TASP1: variants seen among roughly 807,000 people sequenced by gnomAD.
The protein encoded by TASP1 is threonine aspartase 1.
A neutral mutation model predicts 56.6 loss-of-function variants in TASP1; 16 were observed. The ratio of observed to expected loss-of-function variants is 0.28; its 90% CI spans 0.19 to 0.43. The LOEUF (loss-of-function observed/expected upper bound fraction) is 0.43, where lower values mean the gene tolerates loss of function less well. TASP1 is among the 20% of genes least tolerant of loss of function. The pLI, the probability that TASP1 is intolerant of heterozygous loss-of-function variation, is 1.00. For synonymous variants in TASP1, 179 were observed against 184.2 expected (o/e 0.97, Z 0.23); for missense variants, 393 against 511.6 (o/e 0.77, Z 2.24).
intron 8 of TASP1, among the ~76,000 whole-genome samples, chr20:13,538,776 C>T (rs2045509849): frequency 6.6e-6 from 1 of 152,146 alleles, no homozygotes; most frequent in East Asian, 1.9e-4. Context: ...GGCTGGGTGG[C>T]TCACGCCTGT....
intron 12 of TASP1, among the ~76,000 whole-genome samples, chr20:13,427,119 C>T (rs560412343): frequency 3.3e-5 from 5 of 152,312 alleles, no homozygotes; most frequent in African/African-American, 4.8e-5. Context: ...AGTGATATTG[C>T]TGGTGCCCTG....
intron 4 of TASP1, among the ~76,000 whole-genome samples, chr20:13,602,677 T>C (rs1383760796): frequency 1.3e-5 from 2 of 152,094 alleles, no homozygotes; most frequent in African/African-American, 4.8e-5. Flanking sequence ...ATAAGGAGCA[T>C]GCAACCTAGA....
At chr20:13,507,968 C>T (rs2044190768) in intron 10 of TASP1, among the ~76,000 whole-genome samples, 1 of 152,098 alleles carries the variant, frequency 6.6e-6, no homozygotes, top group Admixed American at 6.6e-5. Flanking sequence ...CAATAAAACA[C>T]ACAATGGAGA....
At chr20:13,246,716 TC>T in the TASP1 span, among the ~76,000 whole-genome samples, 1 of 152,204 alleles carries the variant, frequency 6.6e-6, no homozygotes, top group Non-Finnish European at 1.5e-5. Flanking sequence ...CCTTGTCCAA[TC>T]CCCCAGTGCC....
At chr20:13,378,646 G>A in the TASP1 span, among the ~76,000 whole-genome samples, 9 of 152,060 alleles carry the variant, frequency 5.9e-5, no homozygotes, top group Middle Eastern at 3.2e-3. Flanking sequence ...TTTCTGTCTC[G>A]TTGATCTGTC....
At chr20:13,185,578 T>A in the TASP1 span, among the ~76,000 whole-genome samples, 2 of 152,186 alleles carry the variant, frequency 1.3e-5, no homozygotes, top group East Asian at 3.9e-4. Context: ...ATTGTTTATT[T>A]TCTGTATCCT....
At chr20:13,242,314 C>T in the TASP1 span, among the ~76,000 whole-genome samples, 1 of 152,140 alleles carries the variant, frequency 6.6e-6, no homozygotes, top group Non-Finnish European at 1.5e-5. Flanking sequence ...AGAAACTCCA[C>T]AGAGCAGTTG....
chr20:13,597,615 C>G (rs1045484854), intron 4 of TASP1, among the ~76,000 whole-genome samples: 3 of 152,176 alleles, frequency 2.0e-5, no homozygotes, highest in African/African-American at 7.2e-5. Context: ...CCTTTGAAAA[C>G]TGGCACAAGA....
At chr20:13,452,064 A>C (rs1364709488) in intron 11 of TASP1, among the ~76,000 whole-genome samples, 1 of 152,084 alleles carries the variant, frequency 6.6e-6, no homozygotes, top group East Asian at 1.9e-4. Flanking sequence ...ACAGTCTTTT[A>C]TGACCACAGT....
chr20:13,517,699 G>T (rs1171204576), intron 10 of TASP1, among the ~76,000 whole-genome samples: 1 of 152,054 alleles, frequency 6.6e-6, no homozygotes, highest in Non-Finnish European at 1.5e-5. Context: ...AAATCTCTAA[G>T]ATATATCAAT....
chr20:13,295,460 C>T, the TASP1 span, among the ~76,000 whole-genome samples: 6 of 152,312 alleles, frequency 3.9e-5, no homozygotes, highest in Middle Eastern at 3.4e-3. Context: ...CCCAGACATC[C>T]CCAGCAGATT....
the TASP1 span, among the ~76,000 whole-genome samples, chr20:13,357,347 TA>T: frequency 2.6e-5 from 4 of 152,194 alleles, no homozygotes; most frequent in Non-Finnish European, 5.9e-5. Context: ...ACGAATTCAT[TA>T]TCATGCTCTT....
chr20:13,215,942 C>T, the TASP1 span, among the ~76,000 whole-genome samples: 1 of 152,158 alleles, frequency 6.6e-6, no homozygotes, highest in African/African-American at 2.4e-5. Flanking sequence ...GTGACCCCTT[C>T]GTAGTTCAAA....
chr20:13,139,825 G>A, the TASP1 span, among the ~76,000 whole-genome samples: 10 of 152,086 alleles, frequency 6.6e-5, no homozygotes, highest in South Asian at 6.2e-4. Context: ...CTCTTGACCC[G>A]GAATAGAATA....
the TASP1 span, among the ~76,000 whole-genome samples, chr20:13,215,836 G>A: frequency 6.6e-6 from 1 of 152,192 alleles, no homozygotes; most frequent in Admixed American, 6.5e-5. Flanking sequence ...GAATGTTGCT[G>A]GCGATCCAGG....
the TASP1 span, among the ~76,000 whole-genome samples, chr20:13,345,563 C>T: frequency 2.6e-5 from 4 of 152,130 alleles, no homozygotes; most frequent in Admixed American, 6.5e-5. Flanking sequence ...GGCTCCAGCC[C>T]TGTTCCCTGG....
the TASP1 span, among the ~76,000 whole-genome samples, chr20:13,200,517 A>C: frequency 6.6e-6 from 1 of 152,212 alleles, no homozygotes; most frequent in Non-Finnish European, 1.5e-5. Context: ...TCTGAGGCTG[A>C]ATACCAGTTC....
chr20:13,133,665 C>T, the TASP1 span, among the ~76,000 whole-genome samples: 2 of 152,046 alleles, frequency 1.3e-5, no homozygotes, highest in African/African-American at 2.4e-5. Flanking sequence ...GCCCAGGAGG[C>T]GGAGGCTGCA....
the TASP1 span, among the ~76,000 whole-genome samples, chr20:13,267,126 C>T: frequency 2.0e-5 from 3 of 152,200 alleles, no homozygotes; most frequent in Non-Finnish European, 4.4e-5. Context: ...CACACTTCCC[C>T]TATCCTAGGA....
Sources: gnomAD v4.1 joint callset for allele counts (sites outside exome capture counted in the v4.1 genomes callset) on GRCh38, gnomAD v4.1.1 for gene constraint, MANE v1.5 for transcripts, NCBI Gene and HGNC (gene_info 2026-07-23, HGNC 2026-07-21) for gene names.